The following FER1L6 variants were observed in gnomAD, a reference collection of about 807,000 sequenced individuals.
FER1L6 encodes fer-1-like protein 6.
A neutral mutation model predicts 219.2 loss-of-function variants in FER1L6; 177 were observed. The ratio of observed to expected loss-of-function variants is 0.81; its 90% CI spans 0.71 to 0.91. FER1L6 has a LOEUF of 0.91. Among genes scored for constraint, FER1L6 ranks in the 40% least tolerant of loss-of-function variants. FER1L6 has a pLI of 0.00. For synonymous variants in FER1L6, 768 were observed against 824.3 expected (o/e 0.93, Z 1.17); for missense variants, 2,153 against 2,259.9 (o/e 0.95, Z 0.96).
intron 1 of FER1L6, among the ~76,000 whole-genome samples, chr8:123,943,663 G>A (rs1281221287): frequency 6.6e-6 from 1 of 152,164 alleles, no homozygotes; most frequent in Non-Finnish European, 1.5e-5. Flanking sequence ...GCACAGTCAG[G>A]AGCCTTGCTG....
At chr8:123,885,735 G>A (rs538615597) in intron 1 of FER1L6, among the ~76,000 whole-genome samples, 1 of 152,146 alleles carries the variant, frequency 6.6e-6, no homozygotes, top group African/African-American at 2.4e-5. Context: ...CACAGCCATG[G>A]AGAAAGCCTG....
chr8:124,104,527 T>C (rs1822683597), intron 39 of FER1L6, among the ~76,000 whole-genome samples: 1 of 152,148 alleles, frequency 6.6e-6, no homozygotes, highest in African/African-American at 2.4e-5. Flanking sequence ...AAAGAGAAGA[T>C]ATCTATTCCA....
At chr8:123,886,295 GT>G (rs1262350862) in intron 1 of FER1L6, among the ~76,000 whole-genome samples, 3 of 152,142 alleles carry the variant, frequency 2.0e-5, no homozygotes, top group Non-Finnish European at 4.4e-5. Flanking sequence ...CTAGTGGAAG[GT>G]GTTTGGGTTA....
intron 1 of FER1L6, among the ~76,000 whole-genome samples, chr8:123,955,159 C>T (rs1814959363): frequency 6.6e-6 from 1 of 152,126 alleles, no homozygotes; most frequent in South Asian, 2.1e-4. Flanking sequence ...ATCCCAGCTA[C>T]TTGGGAGGCT....
intron 1 of FER1L6, among the ~76,000 whole-genome samples, chr8:123,954,523 C>T (rs1814926007): frequency 6.6e-6 from 1 of 152,152 alleles, no homozygotes; most frequent in Non-Finnish European, 1.5e-5. Context: ...TCTCCTAGAG[C>T]CTTCCACTCA....
At chr8:123,869,152 A>G (rs140531548) in intron 1 of FER1L6, among the ~76,000 whole-genome samples, 110 of 152,344 alleles carry the variant, frequency 7.2e-4, no homozygotes, top group African/African-American at 2.6e-3. Flanking sequence ...ACAAAGGATT[A>G]CACTAGTTTC....
chr8:124,029,240 A>C (rs942331963), intron 18 of FER1L6, among the ~76,000 whole-genome samples: 1 of 152,224 alleles, frequency 6.6e-6, no homozygotes, highest in African/African-American at 2.4e-5. Context: ...CAGTAAACAT[A>C]CGTGTGCATG....
At chr8:124,024,211 T>A (rs895755382) in intron 18 of FER1L6, among the ~76,000 whole-genome samples, 5 of 150,692 alleles carry the variant, frequency 3.3e-5, no homozygotes, top group Admixed American at 2.0e-4. Context: ...TTTTTTTTTT[T>A]ATTTCAGTAG....
intron 1 of FER1L6, among the ~76,000 whole-genome samples, chr8:123,943,877 C>G (rs1302659230): frequency 6.6e-6 from 1 of 152,036 alleles, no homozygotes; most frequent in Non-Finnish European, 1.5e-5. Flanking sequence ...GGCAAGTTCC[C>G]TAACCTCTCC....
At chr8:123,977,687 T>C in intron 10 of FER1L6, 78 bp downstream of exon 10, 12 of 1,361,064 alleles carry the variant, frequency 8.8e-6, no homozygotes, top group Non-Finnish European at 1.2e-5. Flanking sequence ...AGGGGTGGGC[T>C]AGAGCAGCAG....
chr8:123,918,511 C>T (rs539721040), intron 1 of FER1L6, among the ~76,000 whole-genome samples: 5 of 152,184 alleles, frequency 3.3e-5, no homozygotes, highest in Middle Eastern at 3.4e-3. Flanking sequence ...AATGGGAAGA[C>T]AGAGGTCAAA....
chr8:123,879,663 A>G (rs1817070681), intron 1 of FER1L6, among the ~76,000 whole-genome samples: 1 of 67,526 alleles, frequency 1.5e-5, no homozygotes, highest in African/African-American at 6.7e-5. Context: ...AAATAATCCC[A>G]GTGCCACTAA....
At chr8:123,869,501 T>C (rs974092597) in intron 1 of FER1L6, among the ~76,000 whole-genome samples, 4 of 152,154 alleles carry the variant, frequency 2.6e-5, no homozygotes, top group Non-Finnish European at 5.9e-5. Context: ...ACTGGATGAG[T>C]GGTGCTACCC....
At chr8:124,091,767 G>A (rs1229200932) in intron 34 of FER1L6, among the ~76,000 whole-genome samples, 184 bp downstream of exon 34, 1 of 152,104 alleles carries the variant, frequency 6.6e-6, no homozygotes, top group South Asian at 2.1e-4. Flanking sequence ...AGGAGTTCAA[G>A]AGCAGCCTGG....
chr8:124,011,760 T>G (rs925957640), intron 14 of FER1L6, among the ~76,000 whole-genome samples: 1 of 151,998 alleles, frequency 6.6e-6, no homozygotes, highest in Non-Finnish European at 1.5e-5. Flanking sequence ...GCTGGGGTGA[T>G]AGGCATGAGC....
chr8:123,906,040 T>A (rs1008855961), intron 1 of FER1L6, among the ~76,000 whole-genome samples: 3 of 151,958 alleles, frequency 2.0e-5, no homozygotes, highest in Non-Finnish European at 4.4e-5. Flanking sequence ...GCAGGTAAGG[T>A]TATGCATTGC....
In FER1L6 at chr8:123,864,121, G is replaced by C. The variant is rs1478045641; in HGVS notation, c.-8+11936G>C. Among the ~76,000 whole-genome samples, 11 of 149,752 alleles carry C rather than the reference G, an allele frequency of 7.3e-5. 1 individual carries two copies. The highest frequency in any genetic ancestry group is 2.8e-4 in the African/African-American group (11 of 39,460). The stretch of plus-strand genomic sequence containing the variant: ...CATGATTTTGCAGCGGCTGGTACCG[G>C]TTGTTCCTTTCCATGTTTAGCGCTT... On this transcript the variant is annotated intron_variant, in intron 1 of 40. Transcript: ENST00000522917.
rs368074623 is a variant in FER1L6 at position 124,036,426 on chromosome 8, T to C, written c.2464+972T>C. On this transcript the variant is annotated intron_variant, in intron 19 of 40. Transcript: ENST00000522917. Reference sequence around the variant, plus strand: ...GCCAAGCATTGTGCCTTACACTTTATGCATAAGATGTCATTGATTTCTCAA... The same window carrying C: ...GCCAAGCATTGTGCCTTACACTTTACGCATAAGATGTCATTGATTTCTCAA... 20 of 152,358 alleles carry C rather than the reference T, an allele frequency of 1.3e-4. No homozygotes were observed. The East Asian group carries it at 2.7e-3, about 21-fold the overall frequency. The allele number at this position is 152,358 out of a possible 1,614,324, so 9.4% of individuals were successfully genotyped here. A position where few individuals can be genotyped will look rare whatever the true frequency, so the allele number is the denominator to read the frequency against.
intron 1 of FER1L6, among the ~76,000 whole-genome samples, chr8:123,884,961 T>G (rs9656949): frequency 0.32 from 47,839 of 151,870 alleles, 8,254 homozygotes; most frequent in Middle Eastern, 0.41. Context: ...TGCATTAAGG[T>G]TAGCCCTAAA....
Sources: allele counts gnomAD v4.1 joint callset (sites outside exome capture counted in the v4.1 genomes callset), GRCh38; gene constraint gnomAD v4.1.1; transcripts MANE v1.5; gene names NCBI Gene and HGNC (gene_info 2026-07-23, HGNC 2026-07-21).